DNMT3A: variants seen among roughly 807,000 people sequenced by gnomAD.
The protein encoded by DNMT3A is DNA (cytosine-5)-methyltransferase 3A.
In DNMT3A, 267 loss-of-function variants were observed where a neutral mutation model predicts 117.6. The observed-to-expected ratio is 2.27, with a 90% CI of 2.05 to 2.51. The LOEUF is 2.51. DNMT3A is among the 30% of genes most tolerant of loss of function. DNMT3A has a pLI of 0.00. For missense variants in DNMT3A, 1,029 were observed against 1,260.2 expected, an observed-to-expected ratio of 0.82 and a Z score of 2.78; for synonymous variants, 432 against 474.8, an observed-to-expected ratio of 0.91 and a Z score of 1.17.
intron 1 of DNMT3A, among the ~76,000 whole-genome samples, chr2:25,317,799 G>A (rs903649950): frequency 6.6e-6 from 1 of 152,210 alleles, no homozygotes; most frequent in Non-Finnish European, 1.5e-5. Context: ...GCAATGCCGC[G>A]ATCTCGGCTC....
At position 25,306,659 on chromosome 2, in the gene DNMT3A, G is replaced by A. The variant is rs544080485; in HGVS notation, c.73-6416C>T. ...TGGGGCCTCATTGTCTTCTGGAGGT[G>A]CAGGGTGGGCCAGACCTCACACCCA... On this transcript the variant is annotated intron_variant, in intron 2 of 22. Coordinates refer to ENST00000321117, the MANE Select transcript of DNMT3A (RefSeq NM_022552.5). This position sits in a 1 kb window ranked among gnomAD's most constrained non-coding sequence, Gnocchi z 4.1. 1.5e-3 allele frequency among the ~76,000 whole-genome samples: 233 copies of A among 152,326 alleles called. 1 individual carries two copies. Among genetic ancestry groups the A allele is most frequent in the Admixed American group, 2.8e-3 (43 of 15,304 alleles).
rs768966559 is a variant in DNMT3A at position 25,244,620 on chromosome 2, G to A, written c.1587C>T (p.Asp529=). ...NCFLECAYQY[D]DDGYQSYCTI... is the part of the protein sequence containing the mutation. ...TGCAGTAGGACTGGTAGCCGTCGTC[G>A]TCGTACTGGTACGCACACTCCAGAA... The change falls in exon 14 of 23, where the codon GAC becomes GAT. Residue 529 remains aspartate (D), a synonymous_variant. Transcript: ENST00000321117. 3.2e-5 allele frequency: 52 copies of A among 1,614,026 alleles called. No individual in the cohort carries two copies. The highest frequency in any genetic ancestry group is 6.7e-5 in the Admixed American group (4 of 60,000).
chr2:25,313,848 A>T, intron 2 of DNMT3A, 65 bp downstream of exon 2: 1 of 1,547,976 alleles, frequency 6.5e-7, no homozygotes. Context: ...GCCGGCTGTC[A>T]TCACATAGGG....
chr2:25,334,878 T>A (rs1010672025), intron 1 of DNMT3A, among the ~76,000 whole-genome samples: 1 of 152,252 alleles, frequency 6.6e-6, no homozygotes, highest in Non-Finnish European at 1.5e-5. Context: ...TTAGGTGACT[T>A]AATTCTTTTT....
At chr2:25,335,194 C>G (rs946387569) in intron 1 of DNMT3A, among the ~76,000 whole-genome samples, 1 of 152,178 alleles carries the variant, frequency 6.6e-6, no homozygotes, top group Non-Finnish European at 1.5e-5. Flanking sequence ...AGAACAGACT[C>G]GCCTACCACC....
Position 25,298,776 on chromosome 2 carries a change from T to C in DNMT3A, c.177+1363A>G, listed in dbSNP as rs2033243093. Among the ~76,000 whole-genome samples the C allele has an allele frequency of 1.3e-5, 2 of 152,212 alleles. No individual in the cohort carries two copies. ...TCCAGAATGAATTTCATTCATTACA[T>C]ATCCACGTTTGCTTTAATATTAAAA... On this transcript the variant is annotated intron_variant, in intron 3 of 22. Coordinates refer to ENST00000321117, the MANE Select transcript of DNMT3A (RefSeq NM_022552.5). This position sits in a 1 kb window ranked among gnomAD's most constrained non-coding sequence, Gnocchi z 4.3.
intron 1 of DNMT3A, among the ~76,000 whole-genome samples, chr2:25,329,675 A>C (rs559451988): frequency 0.05 from 1,248 of 24,910 alleles, 33 homozygotes; most frequent in African/African-American, 0.088. Context: ...TGCAGACCCC[A>C]CACACACACA....
intron 6 of DNMT3A, among the ~76,000 whole-genome samples, chr2:25,264,132 G>GTTTTTTTTTTGTTTTTT (rs2029960683): frequency 2.7e-5 from 2 of 73,740 alleles, no homozygotes; most frequent in Non-Finnish European, 4.7e-5. Flanking sequence ...CAACCCTTTG[G>GTTTTTTTTTTGTTTTTT]TTTTTTTTTT....
At chr2:25,244,989 C>T (rs914234723) in intron 13 of DNMT3A, among the ~76,000 whole-genome samples, 4 of 152,244 alleles carry the variant, frequency 2.6e-5, no homozygotes, top group Non-Finnish European at 5.9e-5. Flanking sequence ...CCCCGCTGCT[C>T]TGCTCCCATC....
chr2:25,318,829 C>T (rs1558738926), intron 1 of DNMT3A, among the ~76,000 whole-genome samples: 1 of 149,200 alleles, frequency 6.7e-6, no homozygotes, highest in African/African-American at 2.5e-5. Flanking sequence ...TCCCAAGTAG[C>T]CGGGACTACA....
rs1226216047 is a variant in DNMT3A at position 25,282,917 on chromosome 2, G to A, written c.178-206C>T. 1.3e-5 allele frequency among the ~76,000 whole-genome samples: 2 copies of A among 152,112 alleles called. No individual in the cohort carries two copies. The highest frequency in any genetic ancestry group is 1.9e-4 in the East Asian group (1 of 5,202). Reference sequence around the variant, plus strand: ...CCTGGGCTTGACCCCTTGAAATCACGAGTCTGTGGACTCCAGCTTCAGAAA... The same window carrying A: ...CCTGGGCTTGACCCCTTGAAATCACAAGTCTGTGGACTCCAGCTTCAGAAA... On this transcript the variant is annotated intron_variant, in intron 3 of 22. Transcript: ENST00000321117. This position sits in a 1 kb window ranked among gnomAD's most constrained non-coding sequence, Gnocchi z 5.2.
chr2:25,330,424 G>T (rs187957005), intron 1 of DNMT3A, among the ~76,000 whole-genome samples: 232 of 151,716 alleles, frequency 1.5e-3, no homozygotes, highest in African/African-American at 5.5e-3. Context: ...CAAGAGCCCC[G>T]CTGCGAAGCC....
At chr2:25,239,533 A>G in intron 19 of DNMT3A, 1 of 562,662 alleles carries the variant, frequency 1.8e-6, no homozygotes, top group Middle Eastern at 2.8e-4. Flanking sequence ...GGCCAATGTG[A>G]TTGAGGAGCT....
Position 25,275,022 on chromosome 2 carries a change from C to T in DNMT3A, c.558G>A (p.Pro186=), listed in dbSNP as rs748092122. The part of the protein sequence containing the change: ...WESSLRQRPM[P]RLTFQAGDPY... ...GGTCCCCCGCCTGGAAGGTGAGCCTCGGCATGGGCCGCTGACGGAGGCTGG... is the reference window on the plus strand; with the variant it reads ...GGTCCCCCGCCTGGAAGGTGAGCCTTGGCATGGGCCGCTGACGGAGGCTGG... Residue 186 remains proline (P), a synonymous_variant, in exon 6 of 23, where the codon CCG becomes CCA. Coordinates refer to ENST00000321117, the MANE Select transcript of DNMT3A (RefSeq NM_022552.5). 8.3e-5 allele frequency: 134 copies of T among 1,611,078 alleles called. No individual in the cohort carries two copies. The Middle Eastern group carries it at 1.2e-3, about 14-fold the overall frequency.
At chr2:25,246,905 G>T in intron 9 of DNMT3A, 129 bp from the exon 10 acceptor site, 1 of 1,499,212 alleles carries the variant, frequency 6.7e-7, no homozygotes, top group East Asian at 2.3e-5. Flanking sequence ...GAGGAGGAGC[G>T]GGATGTGCAT....
At chr2:25,240,789 G>A in intron 17 of DNMT3A, 59 bp from the exon 18 acceptor site, 2 of 1,541,332 alleles carry the variant, frequency 1.3e-6, no homozygotes, top group South Asian at 1.1e-5. Flanking sequence ...CAGACAGGAA[G>A]AAAGAGAAAT....
intron 1 of DNMT3A, among the ~76,000 whole-genome samples, chr2:25,336,240 T>G (rs2035211191): frequency 1.3e-5 from 2 of 152,202 alleles, no homozygotes; most frequent in South Asian, 4.1e-4. Context: ...CCAGCGTGTG[T>G]GTTGGGGGAC....
At position 25,327,107 on chromosome 2, in the gene DNMT3A, G is replaced by A. The variant is rs2034816857; in HGVS notation, c.-177-12946C>T. 6.6e-6 allele frequency among the ~76,000 whole-genome samples: 1 copy of A among 152,098 alleles called. No individual in the cohort carries two copies. Among genetic ancestry groups the A allele is most frequent in the African/African-American group, 2.4e-5 (1 of 41,434 alleles). On this transcript the variant is annotated intron_variant, in intron 1 of 22. Coordinates refer to ENST00000321117, the MANE Select transcript of DNMT3A (RefSeq NM_022552.5). The surrounding 1 kb of genome is among the most constrained non-coding windows in gnomAD (Gnocchi z 4.1). ...CAACCCTGCGGGGCCTCTTCCTTGG[G>A]CACTCTGTGGCAACCCTAGAGGTAG... is the stretch of plus-strand genomic sequence containing the variant.
chr2:25,328,806 C>A (rs1461340419), intron 1 of DNMT3A: 2 of 440,814 alleles, frequency 4.5e-6, no homozygotes, highest in Non-Finnish European at 9.7e-6. Flanking sequence ...GCAGAACATA[C>A]ACCTGCTGTG....
Sources: gnomAD v4.1 joint callset for allele counts (sites outside exome capture counted in the v4.1 genomes callset) on GRCh38, gnomAD v4.1.1 for gene constraint, Gnocchi (gnomAD v3.1) non-coding constraint, MANE v1.5 for transcripts, NCBI Gene and HGNC (gene_info 2026-07-23, HGNC 2026-07-21) for gene names.